ITGB1BP1: variants seen among roughly 807,000 people sequenced by gnomAD.
ITGB1BP1 encodes the protein integrin subunit beta 1 binding protein 1, also known as integrin beta-1-binding protein 1.
Under a neutral mutation model 28.0 loss-of-function variants are expected in ITGB1BP1, and 20 were observed. The observed-to-expected ratio is 0.71, with a 90% CI of 0.50 to 1.04. The LOEUF is 1.04. Ranked by LOEUF, ITGB1BP1 falls within the 50% of genes least tolerant of loss-of-function variation. The probability of loss-of-function intolerance (pLI) is 0.00; values close to 1 mark genes in which losing one functional copy is unlikely to be tolerated. For synonymous variants in ITGB1BP1, 103 were observed against 89.5 expected, an observed-to-expected ratio of 1.15 and a Z score of -0.85; for missense variants, 228 against 242.5, an observed-to-expected ratio of 0.94 and a Z score of 0.40.
chr2:9,407,299 C>T (rs1368567624), intron 6 of ITGB1BP1, 150 bp downstream of exon 6: 8 of 839,476 alleles, frequency 9.5e-6, no homozygotes, highest in South Asian at 5.3e-5. Context: ...TCTTGCCAGC[C>T]GGCTGACCTC....
intron 6 of ITGB1BP1, chr2:9,407,141 G>C: frequency 1.7e-6 from 1 of 602,598 alleles, no homozygotes. Flanking sequence ...TGATCACGCA[G>C]TCTAGGAGGG....
chr2:9,413,879 TG>T (rs1281114608), intron 3 of ITGB1BP1, among the ~76,000 whole-genome samples: 1 of 152,156 alleles, frequency 6.6e-6, no homozygotes, highest in African/African-American at 2.4e-5. Context: ...TTAATTTTTG[TG>T]GGTACATAGT....
intron 3 of ITGB1BP1, 82 bp from the exon 4 acceptor site, chr2:9,412,487 C>T (rs993860282): frequency 2.1e-5 from 25 of 1,164,698 alleles, no homozygotes; most frequent in Middle Eastern, 2.0e-4. Context: ...CAAATAAAAA[C>T]CAGACTGTCA....
At position 9,404,941 on chromosome 2, in the gene ITGB1BP1, C is replaced by T. The variant is rs1368652548; in HGVS notation, c.*1893G>A. The T allele has an allele frequency of 4.0e-5, 6 of 151,268 alleles. No homozygotes were observed. The highest frequency in any genetic ancestry group is 3.3e-4 in the Admixed American group (5 of 15,148). 9.4% of individuals were successfully genotyped at this position (151,268 alleles called of 1,614,324 possible). The stretch of plus-strand genomic sequence containing the variant: ...ACTAATTGTTAATTTCTGTTTGAAC[C>T]CTTCATTTAATTTTCTCATAGATTT... On this transcript the variant is annotated 3_prime_UTR_variant, in exon 7 of 7. Transcript: ENST00000355346.
chr2:9,419,476 A>G lies in ITGB1BP1; in HGVS notation c.-35-744T>C, dbSNP rs1322712824. ...TGCATTTTTCTTGAAGTTTTGAAATACCTTTAAGTAAAAGCTGACACAAAG... is the reference window on the plus strand; with the variant it reads ...TGCATTTTTCTTGAAGTTTTGAAATGCCTTTAAGTAAAAGCTGACACAAAG... On this transcript the variant is annotated intron_variant, in intron 1 of 6. Coordinates refer to ENST00000355346, the MANE Select transcript of ITGB1BP1 (RefSeq NM_004763.5). 2.6e-5 allele frequency among the ~76,000 whole-genome samples: 4 copies of G among 152,196 alleles called. No homozygotes were observed. In the South Asian group the frequency reaches 6.2e-4, roughly 24 times the overall value.
Position 9,422,835 on chromosome 2 carries a change from C to G in ITGB1BP1, c.-36+538G>C, listed in dbSNP as rs572445213. On this transcript the variant is annotated intron_variant, in intron 1 of 6. Coordinates refer to ENST00000355346, the MANE Select transcript of ITGB1BP1 (RefSeq NM_004763.5). ...CTGCAGGATAACAGCCCCTTTCAAACGAGGATGCCAAAGCGCCCGAAGAGT... is the reference window on the plus strand; with the variant it reads ...CTGCAGGATAACAGCCCCTTTCAAAGGAGGATGCCAAAGCGCCCGAAGAGT... The G allele has an allele frequency of 5.0e-5, 49 of 986,092 alleles. No individual in the cohort carries two copies. The African/African-American group carries it at 7.3e-4, about 15-fold the overall frequency. 61.1% of individuals were successfully genotyped at this position (986,092 alleles called of 1,614,324 possible).
At position 9,406,717 on chromosome 2, in the gene ITGB1BP1, T is replaced by C. The variant is rs1677435106; in HGVS notation, c.*117A>G. On this transcript the variant is annotated 3_prime_UTR_variant, in exon 7 of 7. Coordinates refer to ENST00000355346, the MANE Select transcript of ITGB1BP1 (RefSeq NM_004763.5). ...AATGATCAGCATTTTACACAATCCA[T>C]TTTCTTCAGAAAATCTAGAGCAAGG... is the stretch of plus-strand genomic sequence containing the variant. The C allele has an allele frequency of 1.3e-6, 1 of 754,038 alleles. No homozygotes were observed. Among genetic ancestry groups the C allele is most frequent in the Admixed American group, 2.0e-5 (1 of 50,722 alleles). 46.7% of individuals were successfully genotyped at this position (754,038 alleles called of 1,614,324 possible). A position where few individuals can be genotyped will look rare whatever the true frequency, so the allele number is the denominator to read the frequency against.
At chr2:9,412,467 A>T in intron 3 of ITGB1BP1, 62 bp from the exon 4 acceptor site, 1 of 1,367,010 alleles carries the variant, frequency 7.3e-7, no homozygotes, top group Non-Finnish European at 1.0e-6. Flanking sequence ...GAGTATCCTC[A>T]GTCCCTTCCC....
intron 2 of ITGB1BP1, among the ~76,000 whole-genome samples, chr2:9,414,528 G>C (rs928787721): frequency 1.3e-5 from 2 of 152,204 alleles, no homozygotes; most frequent in Non-Finnish European, 2.9e-5. Context: ...TTAAATCGAA[G>C]CCATTACCGC....
At chr2:9,412,848 G>T (rs1572706157) in intron 3 of ITGB1BP1, 1 of 153,346 alleles carries the variant, frequency 6.5e-6, no homozygotes, top group African/African-American at 2.4e-5. Context: ...CAAAGTGCTG[G>T]AATTACAGGC....
intron 1 of ITGB1BP1, chr2:9,422,688 G>A: frequency 1.0e-6 from 1 of 985,612 alleles, no homozygotes; most frequent in Non-Finnish European, 1.2e-6. Flanking sequence ...TACTGAAGCC[G>A]AGAACTTTCT....
At chr2:9,413,251 T>C (rs1451506268) in intron 3 of ITGB1BP1, among the ~76,000 whole-genome samples, 1 of 152,214 alleles carries the variant, frequency 6.6e-6, no homozygotes. Flanking sequence ...AAGAGGAATT[T>C]AGACAAGAAA....
intron 2 of ITGB1BP1, among the ~76,000 whole-genome samples, chr2:9,416,553 G>A (rs768204948): frequency 2.6e-5 from 4 of 152,146 alleles, no homozygotes; most frequent in South Asian, 2.1e-4. Flanking sequence ...TCTTCAGCCC[G>A]CCCTGCAGAT....
chr2:9,422,559 CT>C (rs1680026038), intron 1 of ITGB1BP1: 1 of 985,510 alleles, frequency 1.0e-6, no homozygotes, highest in Non-Finnish European at 1.2e-6. Flanking sequence ...AGTGTACCCC[CT>C]GATCACAGCG....
intron 4 of ITGB1BP1, among the ~76,000 whole-genome samples, chr2:9,411,368 G>A (rs1187587337): frequency 6.6e-6 from 1 of 152,128 alleles, no homozygotes; most frequent in Non-Finnish European, 1.5e-5. Flanking sequence ...AGAATCTATG[G>A]AATATAACCA....
intron 1 of ITGB1BP1, chr2:9,423,131 C>A (rs1680103624): frequency 3.0e-6 from 3 of 1,009,388 alleles, no homozygotes; most frequent in Admixed American, 6.1e-5. Flanking sequence ...CCCTCCGGGG[C>A]GACAGCGGCT....
rs994505995 is a variant in ITGB1BP1, at chr2:9,415,528, C to T, written c.73-1272G>A. Among the ~76,000 whole-genome samples the T allele has an allele frequency of 2.0e-5, 3 of 151,954 alleles. No homozygotes were observed. Among genetic ancestry groups the T allele is most frequent in the Admixed American group, 6.6e-5 (1 of 15,254 alleles). Reference sequence around the variant, plus strand: ...CCCACAGGCAGAGGTTGCAGTAAGCCGAGATCACACCACTGCACTCCAGCC... The same window carrying T: ...CCCACAGGCAGAGGTTGCAGTAAGCTGAGATCACACCACTGCACTCCAGCC... On this transcript the variant is annotated intron_variant, in intron 2 of 6. Coordinates refer to ENST00000355346, the MANE Select transcript of ITGB1BP1 (RefSeq NM_004763.5). The surrounding 1 kb of genome is among the most constrained non-coding windows in gnomAD (Gnocchi z 4.1).
intron 4 of ITGB1BP1, 164 bp downstream of exon 4, chr2:9,412,105 C>T: frequency 1.7e-6 from 1 of 601,276 alleles, no homozygotes; most frequent in South Asian, 2.0e-5. Flanking sequence ...TGTTCCCATG[C>T]AGCTCAGCGC....
At chr2:9,416,721 G>C (rs972097076) in intron 2 of ITGB1BP1, among the ~76,000 whole-genome samples, 2 of 152,128 alleles carry the variant, frequency 1.3e-5, no homozygotes, top group African/African-American at 4.8e-5. Context: ...AACCTCCCCA[G>C]TCTCTGAATC....
Sources: allele counts gnomAD v4.1 joint callset (sites outside exome capture counted in the v4.1 genomes callset), GRCh38; gene constraint gnomAD v4.1.1; non-coding constraint Gnocchi (gnomAD v3.1); transcripts MANE v1.5; gene names NCBI Gene and HGNC (gene_info 2026-07-23, HGNC 2026-07-21).